The following GARRE1 variants were observed in gnomAD, a reference collection of about 807,000 sequenced individuals.
GARRE1 encodes granule associated Rac and RHOG effector 1.
GARRE1 carries 49 observed loss-of-function variants against 103.2 expected under a neutral mutation model. The observed-to-expected ratio is 0.47, with a 90% confidence interval of 0.38 to 0.60. The LOEUF (loss-of-function observed/expected upper bound fraction) is 0.60, where lower values mean the gene tolerates loss of function less well. Ranked by LOEUF, GARRE1 falls within the 20% of genes least tolerant of loss-of-function variation. The pLI, the probability that GARRE1 is intolerant of heterozygous loss-of-function variation, is 0.00. For synonymous variants in GARRE1, 505 were observed against 532.8 expected (o/e 0.95, Z 0.72); for missense variants, 1,199 against 1,370.5 (o/e 0.87, Z 1.98).
At chr19:34,335,220 G>A (rs957941249) in intron 8 of GARRE1, among the ~76,000 whole-genome samples, 1 of 152,170 alleles carries the variant, frequency 6.6e-6, no homozygotes, top group Non-Finnish European at 1.5e-5. Flanking sequence ...TAGTATATTA[G>A]AAGCCTAAAA....
Position 34,351,573 on chromosome 19 carries a change from C to T in GARRE1, c.2885C>T (p.Thr962Met), listed in dbSNP as rs147745366. Residue 962 changes from threonine (T) to methionine (M), a missense_variant, in exon 13 of 14, where the codon ACG becomes ATG. Thr to Met is a moderately conservative substitution (Grantham distance 81). Transcript: ENST00000299505. ...CTGCCCTCACCACCTCTCCTCACCA[C>T]GGTGGAGGATGTGAACCAGGTATTC... ...STLPSPPLLT[T>M]VEDVNQDNKT... The T allele has an allele frequency of 3.9e-5, 63 of 1,613,018 alleles. No homozygotes were observed. The Middle Eastern group carries it at 4.9e-4, about 13-fold the overall frequency.
chr19:34,298,763 G>A (rs753715844), intron 1 of GARRE1, among the ~76,000 whole-genome samples: 11 of 152,074 alleles, frequency 7.2e-5, no homozygotes, highest in Admixed American at 2.0e-4. Context: ...TCAGTGAAAC[G>A]TATTTGAACT....
At chr19:34,347,135 C>T (rs2074215124) in intron 10 of GARRE1, among the ~76,000 whole-genome samples, 1 of 151,158 alleles carries the variant, frequency 6.6e-6, no homozygotes, top group South Asian at 2.1e-4. Context: ...TTCGCCCAGA[C>T]TGGAGTGCAG....
intron 13 of GARRE1, 32 bp from the exon 14 acceptor site, chr19:34,352,615 A>T: frequency 3.8e-6 from 6 of 1,577,298 alleles, no homozygotes; most frequent in Non-Finnish European, 5.2e-6. Flanking sequence ...CATTGCCCGA[A>T]ATGCCACTAA....
Position 34,330,176 on chromosome 19 carries a change from T to C in GARRE1, c.1105-13T>C. ...TGTCTTGAGGTGTGAACTCTCTTCT[T>C]ATCAATCTATAGCATACAATGTTAC... On this transcript the variant is annotated splice_polypyrimidine_tract_variant and intron_variant, in intron 6 of 13. Coordinates refer to ENST00000299505, the MANE Select transcript of GARRE1 (RefSeq NM_014686.5). The C allele has an allele frequency of 1.2e-6, 2 of 1,611,646 alleles. No individual in the cohort carries two copies. The highest frequency in any genetic ancestry group is 1.7e-6 in the Non-Finnish European group (2 of 1,178,034).
intron 1 of GARRE1, among the ~76,000 whole-genome samples, chr19:34,284,161 C>CACT (rs2073872815): frequency 7.5e-6 from 1 of 134,100 alleles, no homozygotes; most frequent in Admixed American, 8.4e-5. Flanking sequence ...GAGACAGTCT[C>CACT]ACTCAGTCAC....
intron 1 of GARRE1, among the ~76,000 whole-genome samples, chr19:34,289,198 G>A (rs1249067991): frequency 1.3e-5 from 2 of 152,088 alleles, no homozygotes; most frequent in Non-Finnish European, 1.5e-5. Flanking sequence ...ACTTTGGGAG[G>A]CTGAGGCAGG....
intron 2 of GARRE1, among the ~76,000 whole-genome samples, chr19:34,318,494 C>T (rs1023338461): frequency 6.6e-6 from 1 of 152,224 alleles, no homozygotes; most frequent in Non-Finnish European, 1.5e-5. Flanking sequence ...CACTCCTGCT[C>T]AGCTGGGTGA....
At chr19:34,291,016 C>T (rs2073915017) in intron 1 of GARRE1, among the ~76,000 whole-genome samples, 2 of 147,736 alleles carry the variant, frequency 1.4e-5, no homozygotes, top group African/African-American at 5.0e-5. Flanking sequence ...AAGCGATTAT[C>T]CTGCCTTAGC....
chr19:34,292,742 ATT>A (rs35405834), intron 1 of GARRE1, among the ~76,000 whole-genome samples: 227 of 144,316 alleles, frequency 1.6e-3, no homozygotes, highest in Middle Eastern at 3.5e-3. Flanking sequence ...ACCCAGCTAA[ATT>A]TTTTTTTTTT....
intron 1 of GARRE1, among the ~76,000 whole-genome samples, chr19:34,259,653 GT>G (rs879525961): frequency 1.3e-5 from 2 of 149,868 alleles, no homozygotes; most frequent in East Asian, 3.9e-4. Context: ...AAATGATGAA[GT>G]TTTTTTTGTT....
chr19:34,351,542 A>G lies in GARRE1; in HGVS notation c.2854A>G (p.Ser952Gly). 1 of 1,614,060 alleles carries G rather than the reference A, an allele frequency of 6.2e-7. No individual in the cohort carries two copies. The change falls in exon 13 of 14, where the codon AGC (serine) becomes GGC (glycine). Residue 952 changes from serine to glycine, a missense_variant. Physicochemically the swap from Ser to Gly is moderately conservative, Grantham distance 56. Transcript: ENST00000299505. ...RKHSSGEQDT[S>G]TLPSPPLLTT... The stretch of plus-strand genomic sequence containing the variant: ...ACACAGCAGTGGAGAGCAAGACACC[A>G]GCACGCTGCCCTCACCACCTCTCCT...
rs1265199543 is a variant in GARRE1, at chr19:34,333,752, C to T, written c.1312C>T (p.Gln438Ter). ...QIENKEAYAP[Q>*]ISLEGSRIVV... ...TGAGAATAAAGAAGCCTATGCCCCC[C>T]AGATCAGTTTAGAAGGCTCTAGAAT... is the stretch of plus-strand genomic sequence containing the variant. The change falls in exon 8 of 14, where the codon CAG (glutamine) becomes TAG (stop). Residue 438 changes from glutamine to a stop codon, truncating the protein, a stop_gained. Coordinates refer to ENST00000299505, the MANE Select transcript of GARRE1 (RefSeq NM_014686.5). LOFTEE classifies it high-confidence loss of function. The T allele has an allele frequency of 6.2e-7, 1 of 1,612,388 alleles. No homozygotes were observed. Among genetic ancestry groups the T allele is most frequent in the Admixed American group, 1.7e-5 (1 of 59,932 alleles).
At chr19:34,274,930 T>G (rs904726975) in intron 1 of GARRE1, among the ~76,000 whole-genome samples, 2 of 152,188 alleles carry the variant, frequency 1.3e-5, no homozygotes, top group African/African-American at 4.8e-5. Flanking sequence ...GGATAGATAT[T>G]TTAAATTTAT....
At chr19:34,292,165 T>G (rs1204001839) in intron 1 of GARRE1, among the ~76,000 whole-genome samples, 1 of 152,132 alleles carries the variant, frequency 6.6e-6, no homozygotes, top group Admixed American at 6.6e-5. Context: ...CCCGCCCAGA[T>G]CTACTTTTTT....
chr19:34,296,152 C>CTTTT (rs5827899), intron 1 of GARRE1: 33 of 282,922 alleles, frequency 1.2e-4, no homozygotes, highest in South Asian at 2.9e-4. Context: ...GGATCCCTCG[C>CTTTT]TTTTTTTTTT....
intron 3 of GARRE1, among the ~76,000 whole-genome samples, chr19:34,324,520 T>G (rs1308970847): frequency 6.6e-6 from 1 of 151,540 alleles, no homozygotes; most frequent in Non-Finnish European, 1.5e-5. Context: ...TTTTTTTTTT[T>G]TGAGACTGGG....
intron 1 of GARRE1, among the ~76,000 whole-genome samples, chr19:34,286,804 G>A (rs926476735): frequency 6.6e-6 from 1 of 152,100 alleles, no homozygotes; most frequent in African/African-American, 2.4e-5. Flanking sequence ...TCCGGCCTTT[G>A]TGTATTCTTG....
At chr19:34,338,736 G>A (rs1339059384) in intron 8 of GARRE1, among the ~76,000 whole-genome samples, 1 of 152,178 alleles carries the variant, frequency 6.6e-6, no homozygotes, top group African/African-American at 2.4e-5. Flanking sequence ...AAGGTTGAGG[G>A]GCTGGGCACA....
Sources: allele counts gnomAD v4.1 joint callset (sites outside exome capture counted in the v4.1 genomes callset), GRCh38; gene constraint gnomAD v4.1.1; transcripts MANE v1.5; gene names NCBI Gene and HGNC (gene_info 2026-07-23, HGNC 2026-07-21).